MCC: variants seen among roughly 807,000 people sequenced by gnomAD.
MCC encodes the protein MCC regulator of Wnt signaling pathway, also known as colorectal mutant cancer protein.
Under a neutral mutation model 116.2 loss-of-function variants are expected in MCC, and 90 were observed. The ratio of observed to expected loss-of-function variants is 0.77; its 90% CI spans 0.65 to 0.92. The LOEUF is 0.92. MCC is among the 40% of genes least tolerant of loss of function. The pLI, the probability that MCC is intolerant of heterozygous loss-of-function variation, is 0.00. For synonymous variants in MCC, 578 were observed against 510.5 expected, an observed-to-expected ratio of 1.13 and a Z score of -1.78; for missense variants, 1,516 against 1,312.2, an observed-to-expected ratio of 1.16 and a Z score of -2.40.
Position 113,068,108 on chromosome 5 carries a change from G to T in MCC, c.2001C>A (p.Phe667Leu), listed in dbSNP as rs1484808764. ...GGGAGGACCCCACGCCCGCCGCTCG[G>T]AACTGCCCCAGGATGAGGCTCTGCT... ...ESEQSLILGQ[F>L]RAAGVGSSPG... The change falls in exon 13 of 19, where the codon TTC (phenylalanine) becomes TTA (leucine). Residue 667 changes from phenylalanine (F) to leucine (L), a missense_variant. By Grantham distance (22) the Phe-to-Leu change is conservative. Transcript: ENST00000408903. The T allele has an allele frequency of 1.2e-6, 2 of 1,614,094 alleles. No homozygotes were observed. The highest frequency in any genetic ancestry group is 2.2e-5 in the East Asian group (1 of 44,890).
intron 2 of MCC, among the ~76,000 whole-genome samples, chr5:113,349,298 C>G (rs1307551972): frequency 6.6e-6 from 1 of 151,984 alleles, no homozygotes; most frequent in Non-Finnish European, 1.5e-5. Flanking sequence ...AAATCCTCAA[C>G]AAAATACTAG....
chr5:113,093,172 G>A (rs7731125), intron 8 of MCC, among the ~76,000 whole-genome samples: 16,528 of 152,170 alleles, frequency 0.11, 2,189 homozygotes, highest in African/African-American at 0.32. Context: ...GGAAGGGGAT[G>A]GGATATTATA....
intron 8 of MCC, among the ~76,000 whole-genome samples, chr5:113,087,284 G>C (rs1363784269): frequency 6.6e-6 from 1 of 152,170 alleles, no homozygotes; most frequent in Non-Finnish European, 1.5e-5. Context: ...ATTCAATAGT[G>C]CAACAGCTCA....
rs754431398 is a variant in MCC at position 113,434,751 on chromosome 5, T to A, written c.171-49539A>T. On this transcript the variant is annotated intron_variant, in intron 1 of 18. Transcript: ENST00000408903. The surrounding 1 kb of genome is among the most constrained non-coding windows in gnomAD (Gnocchi z 4.2). ...CACATTGAACTTCAGGCGCTCAGAG[T>A]AAGCAGATTTTACTTTTGCATAGGA... 1 of 1,613,926 alleles carries A rather than the reference T, an allele frequency of 6.2e-7. No homozygotes were observed. The highest frequency in any genetic ancestry group is 1.3e-5 in the African/African-American group (1 of 74,912).
rs147381549 is a variant in MCC at position 113,167,791 on chromosome 5, C to T, written c.628-16369G>A. Among the ~76,000 whole-genome samples the T allele has an allele frequency of 2.9e-3, 441 of 152,044 alleles. 1 individual carries two copies. Among genetic ancestry groups the T allele is most frequent in the African/African-American group, 1.0e-2 (414 of 41,486 alleles). ...GACTACAGGTGTGTGCCACCATGCC[C>T]GACTAATTTTTAAATTTTTGCAGAG... On this transcript the variant is annotated intron_variant, in intron 3 of 18. Coordinates refer to ENST00000408903, the MANE Select transcript of MCC (RefSeq NM_001085377.2).
chr5:113,268,737 A>G (rs1446371967), intron 3 of MCC, among the ~76,000 whole-genome samples: 5 of 152,152 alleles, frequency 3.3e-5, no homozygotes, highest in Non-Finnish European at 7.4e-5. Context: ...TGGGAGGTGG[A>G]TTTCTTTAAA....
chr5:113,296,035 C>T (rs974760959), intron 3 of MCC, among the ~76,000 whole-genome samples: 8 of 152,284 alleles, frequency 5.3e-5, no homozygotes, highest in African/African-American at 1.7e-4. Flanking sequence ...ACGTTTTACC[C>T]ATCCCCCTTC....
At chr5:113,282,317 C>T (rs1004505673) in intron 3 of MCC, among the ~76,000 whole-genome samples, 1 of 152,132 alleles carries the variant, frequency 6.6e-6, no homozygotes, top group Non-Finnish European at 1.5e-5. Context: ...GAAGACGCTC[C>T]ATCTTTGACA....
intron 5 of MCC, among the ~76,000 whole-genome samples, chr5:113,134,729 G>A (rs77572619): frequency 6.6e-6 from 1 of 150,704 alleles, no homozygotes; most frequent in African/African-American, 2.4e-5. Flanking sequence ...AAATTTTTTT[G>A]TGTGTGAAAA....
In MCC at chr5:113,452,091, C is replaced by G. The variant is rs148505135; in HGVS notation, c.170+36154G>C. ...CCTCATGATTTGTCCAGCAGGATAG[C>G]CTAGACTTAATATGACTGGGGCTTC... On this transcript the variant is annotated intron_variant, in intron 1 of 18. Coordinates refer to ENST00000408903, the MANE Select transcript of MCC (RefSeq NM_001085377.2). Among the ~76,000 whole-genome samples, 40 of 152,292 alleles carry G rather than the reference C, an allele frequency of 2.6e-4. 1 individual carries two copies. The highest frequency in any genetic ancestry group is 9.2e-4 in the Admixed American group (14 of 15,296).
rs1024554630 is a variant in MCC, at chr5:113,273,930, T to C, written c.627+66589A>G. On this transcript the variant is annotated intron_variant, in intron 3 of 18. Transcript: ENST00000408903. ...TCTGCCCACTATGTTACACCCCTAA[T>C]TGCACTCCTAATTATGGGCTCCTCT... Among the ~76,000 whole-genome samples, 12 of 152,328 alleles carry C rather than the reference T, an allele frequency of 7.9e-5. No individual in the cohort carries two copies. In the East Asian group the frequency reaches 1.4e-3, roughly 17 times the overall value.
At chr5:113,064,808 C>T (rs1025786202) in intron 13 of MCC, among the ~76,000 whole-genome samples, 2 of 152,180 alleles carry the variant, frequency 1.3e-5, no homozygotes. Flanking sequence ...GGCACTCGCA[C>T]AGACCAGGCA....
intron 3 of MCC, among the ~76,000 whole-genome samples, chr5:113,195,234 T>C (rs780487810): frequency 1.3e-5 from 2 of 152,168 alleles, no homozygotes; most frequent in African/African-American, 2.4e-5. Flanking sequence ...TTCTCAACAG[T>C]GTGTGCTCGG....
chr5:113,046,443 C>T (rs1385711471), intron 16 of MCC, among the ~76,000 whole-genome samples: 1 of 151,958 alleles, frequency 6.6e-6, no homozygotes, highest in African/African-American at 2.4e-5. Context: ...CCACCCGCCT[C>T]GGGTTCCCAA....
At chr5:113,160,614 C>T (rs1463386847) in intron 3 of MCC, among the ~76,000 whole-genome samples, 1 of 152,194 alleles carries the variant, frequency 6.6e-6, no homozygotes. Flanking sequence ...CCCTGCTTTG[C>T]AACAGAATAT....
At chr5:113,378,485 G>C (rs1009464800) in intron 2 of MCC, among the ~76,000 whole-genome samples, 6 of 152,126 alleles carry the variant, frequency 3.9e-5, no homozygotes, top group Non-Finnish European at 8.8e-5. Flanking sequence ...AAAGGTAATT[G>C]TACTAATTAG....
chr5:113,337,403 T>C (rs1483633980), intron 3 of MCC, among the ~76,000 whole-genome samples: 6 of 152,160 alleles, frequency 3.9e-5, no homozygotes, highest in East Asian at 1.9e-4. Flanking sequence ...GCCTGCAACA[T>C]CTCAGGGAAA....
At chr5:113,202,983 G>A (rs953455666) in intron 3 of MCC, among the ~76,000 whole-genome samples, 12 of 152,106 alleles carry the variant, frequency 7.9e-5, no homozygotes, top group East Asian at 1.9e-4. Flanking sequence ...CTGGCTACCA[G>A]TAAAGCGCAT....
chr5:113,444,849 T>C (rs747060650), intron 1 of MCC, among the ~76,000 whole-genome samples: 1 of 152,206 alleles, frequency 6.6e-6, no homozygotes, highest in Non-Finnish European at 1.5e-5. Flanking sequence ...ACAATAGTAA[T>C]TTAAAAGTGG....
Sources: allele counts gnomAD v4.1 joint callset (sites outside exome capture counted in the v4.1 genomes callset), GRCh38; gene constraint gnomAD v4.1.1; non-coding constraint Gnocchi (gnomAD v3.1); transcripts MANE v1.5; gene names NCBI Gene and HGNC (gene_info 2026-07-23, HGNC 2026-07-21).